FAM185A: variants seen among roughly 807,000 people sequenced by gnomAD.
FAM185A encodes the protein protein FAM185A.
In FAM185A, 21 loss-of-function variants were observed where a neutral mutation model predicts 45.7. The ratio of observed to expected loss-of-function variants is 0.46; its 90% CI spans 0.33 to 0.66. The LOEUF (loss-of-function observed/expected upper bound fraction) is 0.66. Ranked by LOEUF, FAM185A falls within the 30% of genes least tolerant of loss-of-function variation. FAM185A has a pLI of 0.03. For synonymous variants in FAM185A, 117 were observed against 194.0 expected (o/e 0.60, Z 3.30); for missense variants, 305 against 485.4 (o/e 0.63, Z 3.49).
chr7:102,750,919 G>T (rs564631787), intron 1 of FAM185A, among the ~76,000 whole-genome samples: 65 of 151,770 alleles, frequency 4.3e-4, no homozygotes, highest in African/African-American at 1.3e-3. Context: ...GTTTGTTTTG[G>T]TTTTTTTTGA....
the FAM185A span, among the ~76,000 whole-genome samples, chr7:102,825,217 G>A: frequency 6.6e-6 from 1 of 152,258 alleles, no homozygotes; most frequent in East Asian, 1.9e-4. Context: ...AACACATATT[G>A]AAACTTAACC....
At chr7:102,817,369 C>A in the FAM185A span, among the ~76,000 whole-genome samples, 1 of 152,138 alleles carries the variant, frequency 6.6e-6, no homozygotes, top group Non-Finnish European at 1.5e-5. Context: ...TGATGTTGAG[C>A]ATTTTTTCAT....
At chr7:102,816,024 G>C in the FAM185A span, among the ~76,000 whole-genome samples, 1 of 152,154 alleles carries the variant, frequency 6.6e-6, no homozygotes, top group Non-Finnish European at 1.5e-5. Flanking sequence ...GCTGCATGTT[G>C]AACCCCAGCC....
At chr7:102,839,107 A>G in the FAM185A span, among the ~76,000 whole-genome samples, 1 of 152,236 alleles carries the variant, frequency 6.6e-6, no homozygotes, top group Non-Finnish European at 1.5e-5. Context: ...GAGACGAGAC[A>G]TGTTGGCAGC....
At chr7:102,802,514 A>G (rs1796856505) in intron 7 of FAM185A, among the ~76,000 whole-genome samples, 1 of 152,230 alleles carries the variant, frequency 6.6e-6, no homozygotes, top group African/African-American at 2.4e-5. Flanking sequence ...GACACAGCCT[A>G]TCAAAACTTC....
At chr7:102,755,356 T>C (rs1477989458) in intron 2 of FAM185A, 3 of 584,490 alleles carry the variant, frequency 5.1e-6, no homozygotes, top group Non-Finnish European at 9.1e-6. Flanking sequence ...ATCCATACTC[T>C]ATAAGCAGCT....
At chr7:102,810,617 G>A (rs1250800047), downstream of FAM185A, among the ~76,000 whole-genome samples, 1 of 147,698 alleles carries the variant, frequency 6.8e-6, no homozygotes. Flanking sequence ...TTTTTCAGAC[G>A]AGGTCTCACT....
Position 102,777,333 on chromosome 7 carries a change from T to C in FAM185A, c.916T>C (p.Leu306=). 2.0e-6 allele frequency: 3 copies of C among 1,532,436 alleles called. No homozygotes were observed. The highest frequency in any genetic ancestry group is 2.6e-6 in the Non-Finnish European group (3 of 1,137,166). 94.9% of individuals were successfully genotyped at this position (1,532,436 alleles called of 1,614,324 possible). Residue 306 remains leucine (L), a synonymous_variant, in exon 6 of 8, where the codon TTG becomes CTG. Coordinates refer to ENST00000413034, the MANE Select transcript of FAM185A (RefSeq NM_001145268.2). ...VYVSQLGKVE[L]KSHKGSIIVK... ...TGTCAGCCAACTGGGGAAAGTGGAA[T>C]TGAAATCCCATAAAGGTTAGTGAAC...
At chr7:102,766,482 C>T (rs1794402788) in intron 4 of FAM185A, among the ~76,000 whole-genome samples, 1 of 152,170 alleles carries the variant, frequency 6.6e-6, no homozygotes, top group South Asian at 2.1e-4. Flanking sequence ...CTGTACAAAA[C>T]ACAGGTGATA....
At chr7:102,759,989 A>C (rs905445996) in intron 3 of FAM185A, among the ~76,000 whole-genome samples, 1 of 152,138 alleles carries the variant, frequency 6.6e-6, no homozygotes, top group Non-Finnish European at 1.5e-5. Context: ...TGTGAGAATC[A>C]AATGAGCACT....
chr7:102,815,460 A>G, the FAM185A span, among the ~76,000 whole-genome samples: 4,391 of 152,050 alleles, frequency 0.029, 218 homozygotes, highest in African/African-American at 0.1. Flanking sequence ...CTTCTGCTGG[A>G]TTGCTGGTCT....
intron 7 of FAM185A, among the ~76,000 whole-genome samples, chr7:102,803,480 ATC>A (rs1796918618): frequency 6.6e-6 from 1 of 152,234 alleles, no homozygotes; most frequent in African/African-American, 2.4e-5. Context: ...AAAATCCAGC[ATC>A]TCTTTATGAT....
At chr7:102,759,472 A>G (rs1793980079) in intron 3 of FAM185A, among the ~76,000 whole-genome samples, 1 of 151,916 alleles carries the variant, frequency 6.6e-6, no homozygotes, top group East Asian at 1.9e-4. Flanking sequence ...TTTTTAATGT[A>G]TATTTCTAAG....
the FAM185A span, among the ~76,000 whole-genome samples, chr7:102,834,087 AAAG>A: frequency 5.0e-5 from 3 of 59,710 alleles, no homozygotes; most frequent in South Asian, 5.6e-4. Flanking sequence ...GAAGGAAAGA[AAAG>A]AAAGAAAGAA....
the FAM185A span, among the ~76,000 whole-genome samples, chr7:102,831,527 T>A: frequency 1.3e-5 from 2 of 151,958 alleles, no homozygotes; most frequent in South Asian, 4.2e-4. Flanking sequence ...CTGTTTGGGG[T>A]GGGGAGAGAC....
At chr7:102,819,364 A>C in the FAM185A span, among the ~76,000 whole-genome samples, 4 of 151,472 alleles carry the variant, frequency 2.6e-5, no homozygotes, top group African/African-American at 9.7e-5. Context: ...AACCCTTCAG[A>C]CTCTGGGGTT....
chr7:102,754,324 C>G (rs1584270870), intron 2 of FAM185A, among the ~76,000 whole-genome samples: 2 of 152,182 alleles, frequency 1.3e-5, no homozygotes, highest in Admixed American at 1.3e-4. Context: ...CCTCAGCCTC[C>G]CGAGTAGCTG....
intron 7 of FAM185A, among the ~76,000 whole-genome samples, chr7:102,807,302 C>T (rs1562882823): frequency 6.6e-6 from 1 of 152,082 alleles, no homozygotes; most frequent in Non-Finnish European, 1.5e-5. Flanking sequence ...ATATGGTTCA[C>T]AGATTTTTAC....
chr7:102,780,296 A>G (rs1458211107), intron 6 of FAM185A, among the ~76,000 whole-genome samples: 1 of 152,124 alleles, frequency 6.6e-6, no homozygotes. Context: ...AATGAAAAAC[A>G]GGAAGAAAAA....
Sources: allele counts gnomAD v4.1 joint callset (sites outside exome capture counted in the v4.1 genomes callset), GRCh38; gene constraint gnomAD v4.1.1; transcripts MANE v1.5; gene names NCBI Gene and HGNC (gene_info 2026-07-23, HGNC 2026-07-21).